CCL21: variants seen among roughly 807,000 people sequenced by gnomAD.
The protein encoded by CCL21 is C-C motif chemokine 21.
Under a neutral mutation model 16.4 loss-of-function variants are expected in CCL21, and 12 were observed. The observed-to-expected ratio is 0.73, with a 90% CI of 0.47 to 1.18. CCL21 has a LOEUF of 1.18. Among genes scored for constraint, CCL21 ranks in the 50% most tolerant of loss-of-function variants. The pLI is 0.00. For synonymous variants in CCL21, 64 were observed against 62.1 expected, an observed-to-expected ratio of 1.03 and a Z score of -0.15; for missense variants, 155 against 163.8, an observed-to-expected ratio of 0.95 and a Z score of 0.29.
rs1587270339 is a variant in CCL21 at position 34,709,079 on chromosome 9, T to G, written c.*315A>C. The G allele has an allele frequency of 2.1e-6, 1 of 467,702 alleles. No homozygotes were observed. The highest frequency in any genetic ancestry group is 3.8e-6 in the Non-Finnish European group (1 of 264,620). 29.0% of individuals were successfully genotyped at this position (467,702 alleles called of 1,614,324 possible). A position where few individuals can be genotyped will look rare whatever the true frequency, so the allele number is the denominator to read the frequency against. On this transcript the variant is annotated 3_prime_UTR_variant, in exon 4 of 4. Coordinates refer to ENST00000259607, the MANE Select transcript of CCL21 (RefSeq NM_002989.4). ...TTTACAAGGAAGAGGTGGGGTGTAC[T>G]GGGGAGCCGTATCAGGTCCAGGGTC...
chr9:34,710,058 C>T lies in CCL21; in HGVS notation c.9G>A (p.Gln3=). MA[Q]SLALSLLILV... is the part of the protein sequence containing the mutation. ...GGATAAGGAGGCTCAGAGCCAGTGA[C>T]TGAGCCATGTCTGTGGTAGAGGGTG... Residue 3 remains glutamine, a synonymous_variant, in exon 1 of 4, where the codon CAG becomes CAA. Coordinates refer to ENST00000259607, the MANE Select transcript of CCL21 (RefSeq NM_002989.4). 2 of 1,613,678 alleles carry T rather than the reference C, an allele frequency of 1.2e-6. No homozygotes were observed. Among genetic ancestry groups the T allele is most frequent in the Non-Finnish European group, 1.7e-6 (2 of 1,179,778 alleles).
Position 34,710,091 on chromosome 9 carries a change from G to A in CCL21, c.-25C>T, listed in dbSNP as rs938598616. 6 of 1,607,784 alleles carry A rather than the reference G, an allele frequency of 3.7e-6. No individual in the cohort carries two copies. Among genetic ancestry groups the A allele is most frequent in the Non-Finnish European group, 5.1e-6 (6 of 1,175,770 alleles). On this transcript the variant is annotated 5_prime_UTR_variant, in exon 1 of 4. Coordinates refer to ENST00000259607, the MANE Select transcript of CCL21 (RefSeq NM_002989.4). Reference sequence around the variant, plus strand: ...TGTCTGTGGTAGAGGGTGAGTAAGAGGCCAGAGCTGAGGGTGAGGTGGGCA... The same window carrying A: ...TGTCTGTGGTAGAGGGTGAGTAAGAAGCCAGAGCTGAGGGTGAGGTGGGCA...
Position 34,709,623 on chromosome 9 carries a change from A to G in CCL21, c.248T>C (p.Val83Ala), listed in dbSNP as rs1182863895. The change falls in exon 3 of 4, where the codon GTG (valine) becomes GCG (alanine). Residue 83 changes from valine (V) to alanine (A), a missense_variant. Coordinates refer to ENST00000259607, the MANE Select transcript of CCL21 (RefSeq NM_002989.4). ...GTCCAGATGCTGCATCAGCTGCTGC[A>G]CCCAGAGCTCCTTTGGGTCTGCACA... ...ELCADPKELW[V>A]QQLMQHLDKT... 1 of 1,613,980 alleles carries G rather than the reference A, an allele frequency of 6.2e-7. No homozygotes were observed. Among genetic ancestry groups the G allele is most frequent in the Non-Finnish European group, 8.5e-7 (1 of 1,180,012 alleles).
rs1211963917 is a variant in CCL21 at position 34,709,917 on chromosome 9, G to T, written c.68-20C>A. ...CACTGCCTGCAGGGTGGGATTCACA[G>T]GGAGCCAGGGGCTGCTGGCAAGCTC... On this transcript the variant is annotated intron_variant, in intron 1 of 3. Transcript: ENST00000259607. 1 of 1,614,186 alleles carries T rather than the reference G, an allele frequency of 6.2e-7. No individual in the cohort carries two copies.
rs755668682 is a variant in CCL21 at position 34,709,673 on chromosome 9, G to C, written c.198C>G (p.Pro66=). The C allele has an allele frequency of 1.1e-5, 17 of 1,613,818 alleles. No homozygotes were observed. In the Admixed American group the frequency reaches 2.8e-4, roughly 27 times the overall value. ...ATAGCTCTGCCTGAGAGCGCTTGCG[G>C]GGCAAGAACCTGCGGGTGGGGGCTA... is the stretch of plus-strand genomic sequence containing the variant. ...GCSIPAILFL[P]RKRSQAELCA... is the part of the protein sequence containing the mutation. The change falls in exon 3 of 4, where the codon CCC becomes CCG. Residue 66 remains proline, a synonymous_variant. Coordinates refer to ENST00000259607, the MANE Select transcript of CCL21 (RefSeq NM_002989.4).
rs548377087 is a variant in CCL21, at chr9:34,709,114, C to T, written c.*280G>A. 2.8e-4 allele frequency: 150 copies of T among 533,290 alleles called. No homozygotes were observed. Among genetic ancestry groups the T allele is most frequent in the African/African-American group, 2.6e-3 (135 of 51,812 alleles). The allele number at this position is 533,290 out of a possible 1,614,324, so 33.0% of individuals were successfully genotyped here. ...TATCAGGTCCAGGGTCCTGATGATT[C>T]TCCTTCAAGGGGACAGTCCTGCTGC... On this transcript the variant is annotated 3_prime_UTR_variant, in exon 4 of 4. Coordinates refer to ENST00000259607, the MANE Select transcript of CCL21 (RefSeq NM_002989.4).
Position 34,709,206 on chromosome 9 carries a change from C to G in CCL21, c.*188G>C. On this transcript the variant is annotated 3_prime_UTR_variant, in exon 4 of 4. Transcript: ENST00000259607. ...TCTGGACCTGGCCTGCTGTGGGCAG[C>G]TCAGCCATGCAGGGTAGAGCTGGGA... 1 of 725,098 alleles carries G rather than the reference C, an allele frequency of 1.4e-6. No homozygotes were observed. The highest frequency in any genetic ancestry group is 2.3e-6 in the Non-Finnish European group (1 of 431,048). 44.9% of individuals were successfully genotyped at this position (725,098 alleles called of 1,614,324 possible). A position where few individuals can be genotyped will look rare whatever the true frequency, so the allele number is the denominator to read the frequency against.
At chr9:34,709,739 C>A in intron 2 of CCL21, 38 bp downstream of exon 2, 1 of 1,613,766 alleles carries the variant, frequency 6.2e-7, no homozygotes, top group Non-Finnish European at 8.5e-7. Context: ...CTCCCCACCC[C>A]GTCACCAGCC....
rs776318372 is a variant in CCL21 at position 34,709,828 on chromosome 9, C to T, written c.137G>A (p.Arg46His). 2.0e-5 allele frequency: 33 copies of T among 1,614,050 alleles called. No homozygotes were observed. Among genetic ancestry groups the T allele is most frequent in the East Asian group, 6.7e-5 (3 of 44,892 alleles). Reference protein sequence around the residue: ...SQRKIPAKVVRSYRKQEPSLG... With the variant: ...SQRKIPAKVVHSYRKQEPSLG... ...GCTTGGTTCCTGCTTCCGGTAGCTG[C>T]GGACAACCTTGGCGGGAATCTTCCT... The change falls in exon 2 of 4, where the codon CGC (arginine) becomes CAC (histidine). Residue 46 changes from arginine (R) to histidine (H), a missense_variant. Physicochemically the swap from Arg to His is conservative, Grantham distance 29 (BLOSUM62 0). Coordinates refer to ENST00000259607, the MANE Select transcript of CCL21 (RefSeq NM_002989.4).
rs1348013593 is a variant in CCL21, at chr9:34,709,571, G to A, written c.300C>T (p.Ala100=). The A allele has an allele frequency of 2.5e-6, 4 of 1,614,152 alleles. No individual in the cohort carries two copies. Among genetic ancestry groups the A allele is most frequent in the Non-Finnish European group, 2.5e-6 (3 of 1,180,018 alleles). Residue 100 remains alanine (A), a synonymous_variant, in exon 3 of 4, where the codon GCC becomes GCT. Transcript: ENST00000259607. ...CCCCCCTGTCCTTCCTGCAGCCCTG[G>A]GCTGGTTTCTGTGGGGATGGTGTCT... is the stretch of plus-strand genomic sequence containing the variant. ...LDKTPSPQKP[A]QGCRKDRGAS...
In CCL21 at chr9:34,709,551, C is replaced by T; in HGVS notation, c.320G>A (p.Arg107Lys). The change falls in exon 3 of 4, where the codon AGG (arginine) becomes AAG (lysine). Residue 107 changes from arginine (R) to lysine (K), a missense_variant. By Grantham distance (26) the Arg-to-Lys change is conservative. Transcript: ENST00000259607. ...TTTCTTGCCAGTCTTGGAGGCCCCC[C>T]TGTCCTTCCTGCAGCCCTGGGCTGG... is the stretch of plus-strand genomic sequence containing the variant. ...QKPAQGCRKD[R>K]GASKTGKKGK... The T allele has an allele frequency of 6.2e-7, 1 of 1,614,192 alleles. No homozygotes were observed. The highest frequency in any genetic ancestry group is 8.5e-7 in the Non-Finnish European group (1 of 1,180,010).
rs1018666851 is a variant in CCL21 at position 34,709,682 on chromosome 9, C to T, written c.189G>A (p.Leu63=). Residue 63 remains leucine (L), a splice_region_variant and synonymous_variant, in exon 3 of 4, where the codon CTG becomes CTA. Transcript: ENST00000259607. ...PSLGCSIPAI[L]FLPRKRSQAE... Reference sequence around the variant, plus strand: ...CCTGAGAGCGCTTGCGGGGCAAGAACCTGCGGGTGGGGGCTAGTAAGCCTT... The same window carrying T: ...CCTGAGAGCGCTTGCGGGGCAAGAATCTGCGGGTGGGGGCTAGTAAGCCTT... 1 of 1,613,848 alleles carries T rather than the reference C, an allele frequency of 6.2e-7. No individual in the cohort carries two copies. The highest frequency in any genetic ancestry group is 8.5e-7 in the Non-Finnish European group (1 of 1,179,806).
intron 2 of CCL21, 42 bp from the exon 3 acceptor site, chr9:34,709,724 A>G: frequency 1.2e-6 from 2 of 1,613,406 alleles, no homozygotes; most frequent in East Asian, 2.2e-5. Flanking sequence ...CTTGCCCACC[A>G]TGCCCTCCCC....
At position 34,709,307 on chromosome 9, in the gene CCL21, G is replaced by C; in HGVS notation, c.*87C>G. On this transcript the variant is annotated 3_prime_UTR_variant, in exon 4 of 4. Coordinates refer to ENST00000259607, the MANE Select transcript of CCL21 (RefSeq NM_002989.4). ...GGGGTGGCTGCTCCAGGGCCCCTGA[G>C]CATAGCCTCCTTCTTGCATCTTGGG... 6.6e-7 allele frequency: 1 copy of C among 1,524,852 alleles called. No individual in the cohort carries two copies. The highest frequency in any genetic ancestry group is 9.0e-7 in the Non-Finnish European group (1 of 1,114,082). The allele number at this position is 1,524,852 out of a possible 1,614,324, so 94.5% of individuals were successfully genotyped here.
chr9:34,709,217 AG>A lies in CCL21; in HGVS notation c.*176del. The A allele has an allele frequency of 1.3e-6, 1 of 778,802 alleles. No individual in the cohort carries two copies. Among genetic ancestry groups the A allele is most frequent in the Non-Finnish European group, 2.1e-6 (1 of 468,998 alleles). The allele number at this position is 778,802 out of a possible 1,614,324, so 48.2% of individuals were successfully genotyped here. On this transcript the variant is annotated 3_prime_UTR_variant, in exon 4 of 4. Transcript: ENST00000259607. ...CCTGCTGTGGGCAGCTCAGCCATGC[AG>A]GGTAGAGCTGGGAATGCAGATGGGG...
In CCL21 at chr9:34,709,687, G is replaced by A. The variant is rs747365883; in HGVS notation, c.189-5C>T. On this transcript the variant is annotated splice_polypyrimidine_tract_variant and splice_region_variant and intron_variant, in intron 2 of 3. Transcript: ENST00000259607. ...GAGCGCTTGCGGGGCAAGAACCTGC[G>A]GGTGGGGGCTAGTAAGCCTTCTTAG... 1.1e-5 allele frequency: 17 copies of A among 1,613,604 alleles called. No homozygotes were observed. Among genetic ancestry groups the A allele is most frequent in the South Asian group, 4.4e-5 (4 of 91,072 alleles).
At chr9:34,709,479 C>T (rs777526243) in intron 3 of CCL21, 21 bp downstream of exon 3, 10 of 1,613,878 alleles carry the variant, frequency 6.2e-6, no homozygotes, top group Non-Finnish European at 2.5e-6. Context: ...CCCCTTTACC[C>T]ACATCCCTCA....
Position 34,709,505 on chromosome 9 carries a change from G to A in CCL21, c.366C>T (p.Cys122=), listed in dbSNP as rs748574883. 146 of 1,614,024 alleles carry A rather than the reference G, an allele frequency of 9.0e-5. No homozygotes were observed. Among genetic ancestry groups the A allele is most frequent in the Non-Finnish European group, 1.2e-4 (138 of 1,179,964 alleles). Reference sequence around the variant, plus strand: ...ACATCCCTCAGATTCCTCACCTCTTGCAGCCTTTGGAGCCCTTTCCTTTCT... The same window carrying A: ...ACATCCCTCAGATTCCTCACCTCTTACAGCCTTTGGAGCCCTTTCCTTTCT... ...TGKKGKGSKG[C]KRTERSQTPK... The change falls in exon 3 of 4, where the codon TGC becomes TGT. Residue 122 remains cysteine (C), a synonymous_variant. Transcript: ENST00000259607.
At position 34,709,444 on chromosome 9, in the gene CCL21, G is replaced by C. The variant is rs200916713; in HGVS notation, c.372-17C>G. On this transcript the variant is annotated splice_polypyrimidine_tract_variant and intron_variant, in intron 3 of 3. Coordinates refer to ENST00000259607, the MANE Select transcript of CCL21 (RefSeq NM_002989.4). The stretch of plus-strand genomic sequence containing the variant: ...CGCTCAGTCCTGTGAGGGCAGAAGA[G>C]GGGTGTGAGGGGCTGACTGAGGCTC... The C allele has an allele frequency of 4.2e-4, 679 of 1,612,902 alleles. No individual in the cohort carries two copies. The highest frequency in any genetic ancestry group is 5.1e-4 in the Non-Finnish European group (605 of 1,179,578).
Sources: allele counts gnomAD v4.1 joint callset, GRCh38; gene constraint gnomAD v4.1.1; transcripts MANE v1.5; gene names NCBI Gene and HGNC (gene_info 2026-07-23, HGNC 2026-07-21).